The following PALM2AKAP2 variants were observed in gnomAD, a reference collection of about 807,000 sequenced individuals.
The protein encoded by PALM2AKAP2 is PALM2 and AKAP2 fusion.
A neutral mutation model predicts 71.5 loss-of-function variants in PALM2AKAP2; 37 were observed. That is an observed-to-expected ratio of 0.52 (90% CI 0.40 to 0.68). PALM2AKAP2 has a LOEUF of 0.68. Among genes scored for constraint, PALM2AKAP2 ranks in the 30% least tolerant of loss-of-function variants. The probability of loss-of-function intolerance (pLI) is 0.00; values close to 1 mark genes in which losing one functional copy is unlikely to be tolerated. For synonymous variants in PALM2AKAP2, 468 were observed against 478.8 expected, an observed-to-expected ratio of 0.98 and a Z score of 0.29; for missense variants, 1,224 against 1,191.8, an observed-to-expected ratio of 1.03 and a Z score of -0.40.
intron 6 of PALM2AKAP2, among the ~76,000 whole-genome samples, chr9:109,998,489 C>T (rs1373958322): frequency 1.3e-5 from 2 of 152,062 alleles, no homozygotes; most frequent in Non-Finnish European, 2.9e-5. Flanking sequence ...CAAACAAAAG[C>T]GAACACTCAA....
chr9:109,745,733 C>G (rs1420648587), intron 1 of PALM2AKAP2, among the ~76,000 whole-genome samples: 6 of 152,186 alleles, frequency 3.9e-5, no homozygotes, highest in Non-Finnish European at 8.8e-5. Context: ...AGTCTTTCCT[C>G]ACATGAGCAC....
intron 6 of PALM2AKAP2, among the ~76,000 whole-genome samples, chr9:109,958,915 C>T (rs989482020): frequency 6.6e-6 from 1 of 152,190 alleles, no homozygotes; most frequent in Non-Finnish European, 1.5e-5. Context: ...GGGGGGAATA[C>T]CTGCCTGACC....
At chr9:109,846,079 T>C (rs568616537) in intron 1 of PALM2AKAP2, among the ~76,000 whole-genome samples, 1 of 152,164 alleles carries the variant, frequency 6.6e-6, no homozygotes, top group South Asian at 2.1e-4. Context: ...TTAGATTGGG[T>C]GAATCAGGGT....
At chr9:109,667,988 G>A (rs1827515774) in intron 1 of PALM2AKAP2, among the ~76,000 whole-genome samples, 1 of 17,200 alleles carries the variant, frequency 5.8e-5, no homozygotes, top group East Asian at 9.7e-4. Flanking sequence ...CCAGGCTGGA[G>A]TGCAGTGGCG....
intron 1 of PALM2AKAP2, among the ~76,000 whole-genome samples, chr9:109,671,668 G>A (rs7872082): frequency 0.073 from 11,100 of 152,020 alleles, 456 homozygotes; most frequent in Middle Eastern, 0.16. Flanking sequence ...ACATTGAATC[G>A]GTAAATTGTT....
At chr9:109,680,667 TTAAC>T (rs1827714144) in intron 1 of PALM2AKAP2, among the ~76,000 whole-genome samples, 2 of 152,238 alleles carry the variant, frequency 1.3e-5, no homozygotes, top group Admixed American at 1.3e-4. Flanking sequence ...TTTTTATTCA[TTAAC>T]TAAATACTAA....
At chr9:109,648,119 G>A (rs533624773) in intron 1 of PALM2AKAP2, among the ~76,000 whole-genome samples, 8 of 152,126 alleles carry the variant, frequency 5.3e-5, no homozygotes, top group Non-Finnish European at 1.5e-5. Flanking sequence ...AGTTTCCCCT[G>A]CTCTTTCTCT....
chr9:110,034,797 G>A (rs1833351755), intron 7 of PALM2AKAP2, among the ~76,000 whole-genome samples: 1 of 151,392 alleles, frequency 6.6e-6, no homozygotes. Context: ...TAGAGACGGG[G>A]TTTCACCATG....
chr9:109,868,622 T>C (rs77837256), intron 2 of PALM2AKAP2, among the ~76,000 whole-genome samples: 1 of 152,184 alleles, frequency 6.6e-6, no homozygotes, highest in Admixed American at 6.5e-5. Flanking sequence ...ATACCCAAAA[T>C]GAGAACCATC....
At chr9:109,784,475 A>AT (rs1181734741) in intron 1 of PALM2AKAP2, among the ~76,000 whole-genome samples, 1 of 152,226 alleles carries the variant, frequency 6.6e-6, no homozygotes, top group East Asian at 1.9e-4. Context: ...TTATTTGATT[A>AT]TTATTTATTC....
At chr9:109,975,913 A>T (rs1156888236) in intron 6 of PALM2AKAP2, among the ~76,000 whole-genome samples, 2 of 152,244 alleles carry the variant, frequency 1.3e-5, no homozygotes, top group Admixed American at 1.3e-4. Flanking sequence ...AGTATGTCCC[A>T]TGCCCCATGC....
intron 1 of PALM2AKAP2, among the ~76,000 whole-genome samples, chr9:110,106,839 G>GC (rs1435383645): frequency 3.3e-5 from 5 of 152,168 alleles, no homozygotes; most frequent in Admixed American, 2.0e-4. Context: ...TAAACTAAAA[G>GC]CCCCTATCTC....
chr9:109,743,425 C>T (rs1828748900), intron 1 of PALM2AKAP2, among the ~76,000 whole-genome samples: 1 of 152,190 alleles, frequency 6.6e-6, no homozygotes, highest in Admixed American at 6.5e-5. Context: ...AGAAGCTGCG[C>T]AAACACCTGT....
chr9:109,761,894 T>A (rs904971910), intron 1 of PALM2AKAP2, among the ~76,000 whole-genome samples: 1 of 152,174 alleles, frequency 6.6e-6, no homozygotes, highest in Non-Finnish European at 1.5e-5. Flanking sequence ...TACCCAGTAA[T>A]GAGATAGAAG....
chr9:110,160,194 C>G (rs1290650061), intron 3 of PALM2AKAP2, among the ~76,000 whole-genome samples: 1 of 152,220 alleles, frequency 6.6e-6, no homozygotes, highest in Non-Finnish European at 1.5e-5. Context: ...ACCAGCCACA[C>G]ATTTGGGGGG....
intron 1 of PALM2AKAP2, among the ~76,000 whole-genome samples, chr9:109,789,645 C>T (rs1032082764): frequency 6.6e-6 from 1 of 152,074 alleles, no homozygotes; most frequent in Non-Finnish European, 1.5e-5. Context: ...CCTAAGAGAA[C>T]GTGGAGACTG....
chr9:110,035,896 A>G (rs538949169), intron 7 of PALM2AKAP2, among the ~76,000 whole-genome samples: 4 of 147,440 alleles, frequency 2.7e-5, no homozygotes, highest in South Asian at 2.1e-4. Context: ...GTTGTGTGTT[A>G]TATATAACAT....
intron 6 of PALM2AKAP2, among the ~76,000 whole-genome samples, chr9:109,954,439 C>CA (rs1564231628): frequency 1.5e-5 from 2 of 136,182 alleles, no homozygotes; most frequent in African/African-American, 5.6e-5. Flanking sequence ...ATCAACAGCA[C>CA]AAAAAAGCAA....
chr9:109,803,500 A>G (rs1304079028), intron 1 of PALM2AKAP2, among the ~76,000 whole-genome samples: 1 of 152,230 alleles, frequency 6.6e-6, no homozygotes, highest in East Asian at 1.9e-4. Flanking sequence ...CCCACGCTGG[A>G]AAGAGGTCTA....
Sources: gnomAD v4.1 joint callset for allele counts (sites outside exome capture counted in the v4.1 genomes callset) on GRCh38, gnomAD v4.1.1 for gene constraint, MANE v1.5 for transcripts, NCBI Gene and HGNC (gene_info 2026-07-23, HGNC 2026-07-21) for gene names.